Variants in PPP1R14C observed in about 807,000 individuals in gnomAD.
The protein encoded by PPP1R14C is protein phosphatase 1 regulatory subunit 14C.
Under a neutral mutation model 20.4 loss-of-function variants are expected in PPP1R14C, and 16 were observed. The ratio of observed to expected loss-of-function variants is 0.78; its 90% CI spans 0.53 to 1.19. PPP1R14C has a LOEUF of 1.19. Among genes scored for constraint, PPP1R14C ranks in the 50% most tolerant of loss-of-function variants. The probability of loss-of-function intolerance (pLI) is 0.00; values close to 1 mark genes in which losing one functional copy is unlikely to be tolerated. For synonymous variants in PPP1R14C, 91 were observed against 91.0 expected, an observed-to-expected ratio of 1.00 and a Z score of 0.00; for missense variants, 211 against 220.1, an observed-to-expected ratio of 0.96 and a Z score of 0.26.
In PPP1R14C at chr6:150,143,163, G is replaced by T. The variant is rs1020438626; in HGVS notation, c.-30G>T. 9 of 1,287,500 alleles carry T rather than the reference G, an allele frequency of 7.0e-6. No individual in the cohort carries two copies. Among genetic ancestry groups the T allele is most frequent in the East Asian group, 6.8e-5 (2 of 29,460 alleles). 79.8% of individuals were successfully genotyped at this position (1,287,500 alleles called of 1,614,324 possible). A position where few individuals can be genotyped will look rare whatever the true frequency, so the allele number is the denominator to read the frequency against. ...GCGCGCTCCGCCCGCCCCTCCTCCG[G>T]GCCGCACTGAGGCTCGGGCGCGCGG... On this transcript the variant is annotated 5_prime_UTR_variant, in exon 1 of 4. Transcript: ENST00000361131. The surrounding 1 kb of genome is among the most constrained non-coding windows in gnomAD (Gnocchi z 5.6).
chr6:150,229,544 AT>A (rs1462200238), intron 3 of PPP1R14C, among the ~76,000 whole-genome samples: 2 of 152,232 alleles, frequency 1.3e-5, no homozygotes, highest in Non-Finnish European at 2.9e-5. Context: ...GGGTAAAAAA[AT>A]AAATTAGCCC....
chr6:150,155,235 C>G (rs764999057), intron 1 of PPP1R14C, among the ~76,000 whole-genome samples: 12 of 152,208 alleles, frequency 7.9e-5, no homozygotes, highest in Admixed American at 2.6e-4. Flanking sequence ...CCTGGAATGT[C>G]TCTTTATAGT....
At chr6:150,167,133 G>A (rs112691935) in intron 1 of PPP1R14C, among the ~76,000 whole-genome samples, 9,613 of 152,080 alleles carry the variant, frequency 0.063, 374 homozygotes, top group Non-Finnish European at 0.078. Context: ...TTGGGAGGCC[G>A]AGGCGGGCGG....
intron 1 of PPP1R14C, among the ~76,000 whole-genome samples, chr6:150,153,053 AG>A (rs1411598777): frequency 6.6e-6 from 1 of 152,210 alleles, no homozygotes; most frequent in Non-Finnish European, 1.5e-5. Flanking sequence ...AGAAGATGGA[AG>A]ACGGCCACCT....
intron 1 of PPP1R14C, among the ~76,000 whole-genome samples, chr6:150,160,160 GCTGAGATA>G (rs1237530299): frequency 2.6e-5 from 4 of 151,486 alleles, no homozygotes; most frequent in African/African-American, 9.8e-5. Flanking sequence ...TGAGCACCTG[GCTGAGATA>G]CTGTCTGTCA....
At chr6:150,244,820 T>C (rs1302506721) in intron 3 of PPP1R14C, among the ~76,000 whole-genome samples, 3 of 152,218 alleles carry the variant, frequency 2.0e-5, no homozygotes, top group African/African-American at 4.8e-5. Flanking sequence ...TAAAATAAAT[T>C]CTATTTTTCA....
chr6:150,186,300 G>A (rs1777676328), intron 1 of PPP1R14C, among the ~76,000 whole-genome samples: 1 of 152,146 alleles, frequency 6.6e-6, no homozygotes, highest in Non-Finnish European at 1.5e-5. Context: ...CATCCACTTT[G>A]AAGGATATAA....
At chr6:150,217,250 C>T (rs1010530546) in intron 3 of PPP1R14C, among the ~76,000 whole-genome samples, 2 of 146,418 alleles carry the variant, frequency 1.4e-5, no homozygotes, top group African/African-American at 5.1e-5. Context: ...GGTTGGAGTG[C>T]AGTGGTGTGA....
intron 3 of PPP1R14C, among the ~76,000 whole-genome samples, chr6:150,221,652 G>T (rs1778168686): frequency 6.6e-6 from 1 of 152,142 alleles, no homozygotes; most frequent in South Asian, 2.1e-4. Flanking sequence ...AAAGTCTTAT[G>T]CCAATGCTAG....
chr6:150,242,375 A>G (rs1397951987), intron 3 of PPP1R14C, among the ~76,000 whole-genome samples: 1 of 152,278 alleles, frequency 6.6e-6, no homozygotes, highest in Non-Finnish European at 1.5e-5. Flanking sequence ...AGCCATTATG[A>G]TCAAGTGTGG....
At chr6:150,243,809 A>C (rs1236430622) in intron 3 of PPP1R14C, among the ~76,000 whole-genome samples, 1 of 152,232 alleles carries the variant, frequency 6.6e-6, no homozygotes, top group Non-Finnish European at 1.5e-5. Context: ...ATTGTGGTAC[A>C]TCTTTATGAT....
intron 3 of PPP1R14C, among the ~76,000 whole-genome samples, chr6:150,243,174 CTTT>C (rs574248701): frequency 8.5e-5 from 11 of 129,272 alleles, no homozygotes; most frequent in Admixed American, 8.0e-5. Flanking sequence ...TCTAAAATTC[CTTT>C]TTTTTTTTTT....
chr6:150,194,777 A>G (rs927481216), intron 1 of PPP1R14C: 9 of 985,276 alleles, frequency 9.1e-6, no homozygotes, highest in Middle Eastern at 5.2e-4. Flanking sequence ...GTTTTGTTTG[A>G]CCACTGCTTG....
intron 3 of PPP1R14C, among the ~76,000 whole-genome samples, chr6:150,245,570 G>A (rs914758913): frequency 2.6e-5 from 4 of 152,204 alleles, no homozygotes; most frequent in African/African-American, 7.2e-5. Context: ...TCCCAAGATG[G>A]CCCCTCTCTG....
chr6:150,221,643 A>G (rs141354458), intron 3 of PPP1R14C, among the ~76,000 whole-genome samples: 1 of 152,140 alleles, frequency 6.6e-6, no homozygotes, highest in Non-Finnish European at 1.5e-5. Flanking sequence ...TTTGAGTCAA[A>G]AGTCTTATGC....
chr6:150,235,877 T>A (rs188445454), intron 3 of PPP1R14C, among the ~76,000 whole-genome samples: 196 of 152,330 alleles, frequency 1.3e-3, no homozygotes, highest in African/African-American at 4.7e-3. Flanking sequence ...ATTTCCAGTC[T>A]AGCTGTGGAC....
intron 1 of PPP1R14C, among the ~76,000 whole-genome samples, chr6:150,181,930 CCTT>C (rs1185499773): frequency 3.3e-5 from 5 of 152,160 alleles, no homozygotes; most frequent in African/African-American, 4.8e-5. Context: ...ATGTTTATCC[CCTT>C]CTTCTTCGTC....
chr6:150,208,767 C>T (rs750050977), intron 1 of PPP1R14C, among the ~76,000 whole-genome samples: 1 of 152,026 alleles, frequency 6.6e-6, no homozygotes, highest in Non-Finnish European at 1.5e-5. Context: ...GCTTTTTTCT[C>T]ATTAGCCACA....
At chr6:150,199,000 C>CTTTT (rs557858473) in intron 1 of PPP1R14C, among the ~76,000 whole-genome samples, 1 of 146,560 alleles carries the variant, frequency 6.8e-6, no homozygotes. Flanking sequence ...TAGGCTTCTT[C>CTTTT]TTTTTTTTTT....
Sources: gnomAD v4.1 joint callset for allele counts (sites outside exome capture counted in the v4.1 genomes callset) on GRCh38, gnomAD v4.1.1 for gene constraint, Gnocchi (gnomAD v3.1) non-coding constraint, MANE v1.5 for transcripts, NCBI Gene and HGNC (gene_info 2026-07-23, HGNC 2026-07-21) for gene names.